ASTN1: variants seen among roughly 807,000 people sequenced by gnomAD.
The protein encoded by ASTN1 is astrotactin 1.
ASTN1 carries 41 observed loss-of-function variants against 140.7 expected under a neutral mutation model. That is an observed-to-expected ratio of 0.29 (90% CI 0.23 to 0.38). The LOEUF (loss-of-function observed/expected upper bound fraction) is 0.38, where lower values mean the gene tolerates loss of function less well. Ranked by LOEUF, ASTN1 falls within the 10% of genes least tolerant of loss-of-function variation. The pLI is 1.00. For missense variants in ASTN1, 1,479 were observed against 1,678.8 expected (o/e 0.88, Z 2.08); for synonymous variants, 640 against 652.2 (o/e 0.98, Z 0.29).
chr1:177,161,672 G>A (rs1174084034), intron 1 of ASTN1, among the ~76,000 whole-genome samples: 4 of 152,192 alleles, frequency 2.6e-5, no homozygotes, highest in Non-Finnish European at 5.9e-5. Context: ...AGAATGAGAA[G>A]ACCCTAGTTA....
chr1:176,862,183 G>A lies in ASTN1; in HGVS notation c.*2101C>T, dbSNP rs1245232857. 4 of 985,314 alleles carry A rather than the reference G, an allele frequency of 4.1e-6. No individual in the cohort carries two copies. Among genetic ancestry groups the A allele is most frequent in the South Asian group, 9.4e-5 (2 of 21,288 alleles). 61.0% of individuals were successfully genotyped at this position (985,314 alleles called of 1,614,324 possible). On this transcript the variant is annotated 3_prime_UTR_variant, in exon 23 of 23. Coordinates refer to ENST00000361833, the MANE Select transcript of ASTN1 (RefSeq NM_004319.3). The stretch of plus-strand genomic sequence containing the variant: ...AGGCTCCAGCATTTGCCACAGGTGG[G>A]ACAGCCAATTTTTCTGCTGATCTTT...
At chr1:177,099,056 T>C (rs1395075576) in intron 1 of ASTN1, among the ~76,000 whole-genome samples, 1 of 152,210 alleles carries the variant, frequency 6.6e-6, no homozygotes, top group African/African-American at 2.4e-5. Flanking sequence ...CATTTTTTTC[T>C]ATGAATAATA....
intron 1 of ASTN1, among the ~76,000 whole-genome samples, chr1:177,127,900 A>T (rs1184446957): frequency 6.6e-6 from 1 of 152,232 alleles, no homozygotes; most frequent in African/African-American, 2.4e-5. Flanking sequence ...ATGTCAACTT[A>T]TGCAGCAACA....
chr1:176,975,558 T>C (rs1673329704), intron 8 of ASTN1, among the ~76,000 whole-genome samples: 1 of 152,240 alleles, frequency 6.6e-6, no homozygotes, highest in Non-Finnish European at 1.5e-5. Flanking sequence ...GGAGCAGAAG[T>C]TATCTGTAGT....
In ASTN1 at chr1:176,862,921, C is replaced by T. The variant is rs1211116148; in HGVS notation, c.*1363G>A. On this transcript the variant is annotated 3_prime_UTR_variant, in exon 23 of 23. Transcript: ENST00000361833. ...TTCTCATATGTTTCCAGATGAGGAG[C>T]CCTGGTCAAAGGCATGGTGGCTGAA... 5.1e-6 allele frequency: 5 copies of T among 985,338 alleles called. No individual in the cohort carries two copies. Among genetic ancestry groups the T allele is most frequent in the Non-Finnish European group, 2.4e-6 (2 of 829,970 alleles). 61.0% of individuals were successfully genotyped at this position (985,338 alleles called of 1,614,324 possible). A position where few individuals can be genotyped will look rare whatever the true frequency, so the allele number is the denominator to read the frequency against.
At chr1:177,157,318 G>GTTTGT (rs1164720011) in intron 1 of ASTN1, among the ~76,000 whole-genome samples, 87 of 151,718 alleles carry the variant, frequency 5.7e-4, no homozygotes, top group African/African-American at 2.0e-3. Flanking sequence ...TGTTGTTGTT[G>GTTTGT]TTTGTTTTGT....
intron 9 of ASTN1, 55 bp downstream of exon 9, chr1:176,965,108 A>C: frequency 6.5e-7 from 1 of 1,528,094 alleles, no homozygotes; most frequent in African/African-American, 1.4e-5. Flanking sequence ...GTTCGGGGGA[A>C]GCGGAACACA....
At chr1:177,060,703 G>A (rs1037306180) in intron 2 of ASTN1, among the ~76,000 whole-genome samples, 2 of 152,172 alleles carry the variant, frequency 1.3e-5, no homozygotes, top group Non-Finnish European at 2.9e-5. Context: ...GTTTCACCAT[G>A]TTGGCTAGGC....
intron 8 of ASTN1, among the ~76,000 whole-genome samples, chr1:176,986,496 G>A (rs1398738736): frequency 6.6e-6 from 1 of 152,154 alleles, no homozygotes; most frequent in Admixed American, 6.6e-5. Flanking sequence ...TGTGTTTAAA[G>A]GGAAGTAAAA....
chr1:177,164,173 G>A (rs1036890364), intron 1 of ASTN1, among the ~76,000 whole-genome samples: 1 of 152,176 alleles, frequency 6.6e-6, no homozygotes, highest in African/African-American at 2.4e-5. Flanking sequence ...GGGCAGCTGA[G>A]AGGAGGCTCA....
intron 2 of ASTN1, among the ~76,000 whole-genome samples, chr1:177,042,409 T>A (rs1212825405): frequency 2.0e-5 from 3 of 152,182 alleles, no homozygotes; most frequent in Non-Finnish European, 4.4e-5. Context: ...TGTGATGATC[T>A]CAAAGTCCAC....
At chr1:177,020,106 T>G (rs982926339) in intron 7 of ASTN1, among the ~76,000 whole-genome samples, 2 of 152,182 alleles carry the variant, frequency 1.3e-5, no homozygotes, top group African/African-American at 4.8e-5. Context: ...CAGGCTGATC[T>G]TGAATTCCTG....
chr1:177,145,368 C>G (rs1682674997), intron 1 of ASTN1, among the ~76,000 whole-genome samples: 1 of 152,202 alleles, frequency 6.6e-6, no homozygotes, highest in Admixed American at 6.5e-5. Context: ...AATGTGCCTT[C>G]CAGGCTCACT....
intron 1 of ASTN1, among the ~76,000 whole-genome samples, chr1:177,090,776 C>A (rs1419034870): frequency 6.6e-6 from 1 of 152,078 alleles, no homozygotes; most frequent in African/African-American, 2.4e-5. Flanking sequence ...TTTCCTTTCC[C>A]ATGTCTATAA....
intron 16 of ASTN1, among the ~76,000 whole-genome samples, chr1:176,927,039 C>T (rs948791691): frequency 2.6e-5 from 4 of 152,170 alleles, no homozygotes; most frequent in Non-Finnish European, 5.9e-5. Flanking sequence ...GAAGACATGA[C>T]ATCTTGTCTG....
chr1:176,909,362 TCA>T (rs1389729791), intron 16 of ASTN1, among the ~76,000 whole-genome samples: 1 of 152,218 alleles, frequency 6.6e-6, no homozygotes, highest in East Asian at 1.9e-4. Flanking sequence ...TCAGACATTC[TCA>T]TTGTTGCAGG....
intron 8 of ASTN1, 81 bp from the exon 9 acceptor site, chr1:176,965,318 A>G: frequency 2.1e-6 from 3 of 1,420,034 alleles, no homozygotes; most frequent in Non-Finnish European, 2.0e-6. Context: ...GCACAGTGCT[A>G]GGTGGTAGAC....
At chr1:176,896,010 G>A (rs1669486088) in intron 16 of ASTN1, among the ~76,000 whole-genome samples, 1 of 152,160 alleles carries the variant, frequency 6.6e-6, no homozygotes, top group African/African-American at 2.4e-5. Context: ...TGGAGGCACT[G>A]GTTGGAAGGA....
chr1:176,942,716 C>T (rs761528092), intron 14 of ASTN1, among the ~76,000 whole-genome samples: 3 of 150,016 alleles, frequency 2.0e-5, no homozygotes, highest in African/African-American at 7.3e-5. Flanking sequence ...ATTTGTTTCT[C>T]ACCTATCTGT....
Sources: gnomAD v4.1 joint callset for allele counts (sites outside exome capture counted in the v4.1 genomes callset) on GRCh38, gnomAD v4.1.1 for gene constraint, MANE v1.5 for transcripts, NCBI Gene and HGNC (gene_info 2026-07-23, HGNC 2026-07-21) for gene names.